The following ESF1 variants were observed in gnomAD, a reference collection of about 807,000 sequenced individuals.
ESF1 encodes ESF1 homolog.
In ESF1, 58 loss-of-function variants were observed where a neutral mutation model predicts 92.0. The ratio of observed to expected loss-of-function variants is 0.63; its 90% confidence interval spans 0.51 to 0.78. The LOEUF is 0.78. Among genes scored for constraint, ESF1 ranks in the 30% least tolerant of loss-of-function variants. The pLI, the probability that ESF1 is intolerant of heterozygous loss-of-function variation, is 0.00. For synonymous variants in ESF1, 321 were observed against 313.7 expected (o/e 1.02, Z -0.24); for missense variants, 922 against 989.1 (o/e 0.93, Z 0.91).
chr20:13,758,806 G>A (rs1405895658), intron 9 of ESF1, among the ~76,000 whole-genome samples: 2 of 152,148 alleles, frequency 1.3e-5, no homozygotes, highest in Admixed American at 6.5e-5. Context: ...AGAAGTCCCT[G>A]ATGATTTGCC....
intron 9 of ESF1, among the ~76,000 whole-genome samples, chr20:13,752,415 G>C (rs1978679968): frequency 6.6e-6 from 1 of 152,078 alleles, no homozygotes; most frequent in Non-Finnish European, 1.5e-5. Flanking sequence ...TTTAAGTTCA[G>C]GTTTTCCATT....
chr20:13,769,334 A>T (rs1026755585), intron 7 of ESF1, among the ~76,000 whole-genome samples: 13 of 152,220 alleles, frequency 8.5e-5, no homozygotes, highest in African/African-American at 3.1e-4. Flanking sequence ...GGAGAGACAG[A>T]AGAGTGTACA....
At chr20:13,745,856 G>A (rs1309468674) in intron 9 of ESF1, among the ~76,000 whole-genome samples, 1 of 152,192 alleles carries the variant, frequency 6.6e-6, no homozygotes, top group Non-Finnish European at 1.5e-5. Flanking sequence ...AGGAATAGAT[G>A]TATCTGCGGT....
chr20:13,759,008 C>T (rs1979029658), intron 9 of ESF1, among the ~76,000 whole-genome samples: 1 of 152,136 alleles, frequency 6.6e-6, no homozygotes, highest in Non-Finnish European at 1.5e-5. Context: ...ACAACACCAA[C>T]AATAAAACAG....
chr20:13,727,155 T>C (rs6074637), intron 11 of ESF1, among the ~76,000 whole-genome samples: 100,862 of 152,004 alleles, frequency 0.66, 33,772 homozygotes, highest in East Asian at 0.89. Context: ...ACATTTTGGA[T>C]AGAGAACAAG....
At position 13,775,228 on chromosome 20, in the gene ESF1, A is replaced by G; in HGVS notation, c.1078T>C (p.Leu360=). 2 of 1,611,544 alleles carry G rather than the reference A, an allele frequency of 1.2e-6. No individual in the cohort carries two copies. The highest frequency in any genetic ancestry group is 1.7e-6 in the Non-Finnish European group (2 of 1,179,254). Residue 360 remains leucine, a synonymous_variant, in exon 4 of 14, where the codon TTA becomes CTA. Coordinates refer to ENST00000617257, the MANE Select transcript of ESF1 (RefSeq NM_001276380.2). ...AGAGCCAGCAAATCTTTTGCCTTTA[A>G]TCTATCCCAGTCCATGTTACAAACT... The part of the protein sequence containing the change: ...LAVCNMDWDR[L]KAKDLLALFN...
intron 10 of ESF1, among the ~76,000 whole-genome samples, chr20:13,730,478 G>A (rs1488488383): frequency 6.6e-6 from 1 of 151,344 alleles, no homozygotes; most frequent in African/African-American, 2.4e-5. Flanking sequence ...CCACCTCCCG[G>A]ATTCATGCCA....
At chr20:13,775,795 A>G in intron 3 of ESF1, 78 bp downstream of exon 3, 1 of 1,482,800 alleles carries the variant, frequency 6.7e-7, no homozygotes, top group Non-Finnish European at 9.0e-7. Context: ...TTCCCACTTA[A>G]TGACATCAGT....
At chr20:13,780,009 C>T (rs1437341575) in intron 2 of ESF1, among the ~76,000 whole-genome samples, 2 of 152,172 alleles carry the variant, frequency 1.3e-5, no homozygotes, top group Non-Finnish European at 2.9e-5. Context: ...TAAAAAGGCC[C>T]TTGCACACAG....
At chr20:13,738,136 G>T (rs968488847) in intron 9 of ESF1, among the ~76,000 whole-genome samples, 1 of 152,066 alleles carries the variant, frequency 6.6e-6, no homozygotes, top group South Asian at 2.1e-4. Flanking sequence ...TCTTTGCCAG[G>T]GCCATTTTTT....
intron 10 of ESF1, among the ~76,000 whole-genome samples, chr20:13,730,104 C>T (rs2049930983): frequency 6.6e-6 from 1 of 151,874 alleles, no homozygotes; most frequent in African/African-American, 2.4e-5. Context: ...AAGAGTTTTG[C>T]TCTTGTTGCC....
chr20:13,742,317 A>G (rs1490401051), intron 9 of ESF1, among the ~76,000 whole-genome samples: 5 of 152,068 alleles, frequency 3.3e-5, no homozygotes, highest in Non-Finnish European at 7.4e-5. Context: ...CTAAAAATAC[A>G]AAAAAACTAG....
chr20:13,739,015 T>A (rs2049994060), intron 9 of ESF1, among the ~76,000 whole-genome samples: 1 of 152,162 alleles, frequency 6.6e-6, no homozygotes, highest in African/African-American at 2.4e-5. Flanking sequence ...CACTTAACAC[T>A]ATGAGAATAG....
chr20:13,776,340 T>C (rs780211303), intron 2 of ESF1, 70 bp from the exon 3 acceptor site: 38 of 1,402,076 alleles, frequency 2.7e-5, no homozygotes, highest in Admixed American at 6.9e-5. Context: ...CCAAATTATC[T>C]TGACATCAAC....
Position 13,782,663 on chromosome 20 carries a change from C to T in ESF1, c.478G>A (p.Glu160Lys), listed in dbSNP as rs753506337. The change falls in exon 2 of 14, where the codon GAA (glutamate) becomes AAA (lysine). Residue 160 changes from glutamate (E) to lysine (K), a missense_variant. By Grantham distance (56) the Glu-to-Lys change is moderately conservative (BLOSUM62 1). Transcript: ENST00000617257. Reference protein sequence around the residue: ...SNISPKKDSKEFTQKNKKEKK... With the variant: ...SNISPKKDSKKFTQKNKKEKK... ...TCTTTCTTATTTTTTTGTGTAAATT[C>T]TTTGCTATCCTTCTTCGGACTTATG... 6.2e-7 allele frequency: 1 copy of T among 1,602,358 alleles called. No individual in the cohort carries two copies. The highest frequency in any genetic ancestry group is 2.2e-5 in the East Asian group (1 of 44,656).
intron 11 of ESF1, 40 bp from the exon 12 acceptor site, chr20:13,719,024 G>A: frequency 2.8e-6 from 4 of 1,434,690 alleles, no homozygotes; most frequent in South Asian, 1.3e-5. Context: ...AAAAATTACA[G>A]GACTATCAGC....
intron 11 of ESF1, among the ~76,000 whole-genome samples, chr20:13,725,163 T>G (rs1217761618): frequency 1.3e-5 from 2 of 152,248 alleles, no homozygotes; most frequent in African/African-American, 4.8e-5. Context: ...TATCTGCTCA[T>G]GCAGATTATC....
At chr20:13,773,897 C>T (rs1568728314) in intron 4 of ESF1, among the ~76,000 whole-genome samples, 1 of 152,058 alleles carries the variant, frequency 6.6e-6, no homozygotes, top group Non-Finnish European at 1.5e-5. Context: ...AGATCGAGAC[C>T]ATCCTGGCTA....
rs148238103 is a variant in ESF1, at chr20:13,727,104, C to G, written c.2038+1274G>C. Among the ~76,000 whole-genome samples the G allele has an allele frequency of 5.4e-3, 828 of 152,312 alleles. 13 individuals are homozygous for G. Among genetic ancestry groups the G allele is most frequent in the African/African-American group, 0.019 (774 of 41,560 alleles). ...TTTAACTTATTCTTTGAATCCTATT[C>G]TGAGTTCTGCAATTTGACCAGACTT... On this transcript the variant is annotated intron_variant, in intron 11 of 13. Coordinates refer to ENST00000617257, the MANE Select transcript of ESF1 (RefSeq NM_001276380.2).
Sources: gnomAD v4.1 joint callset for allele counts (sites outside exome capture counted in the v4.1 genomes callset) on GRCh38, gnomAD v4.1.1 for gene constraint, MANE v1.5 for transcripts, NCBI Gene and HGNC (gene_info 2026-07-23, HGNC 2026-07-21) for gene names.